Variants in AK8 observed in about 807,000 individuals in gnomAD.
AK8 encodes ATP-AMP transphosphorylase 8.
A neutral mutation model predicts 54.6 loss-of-function variants in AK8; 44 were observed. The observed-to-expected ratio is 0.81, with a 90% CI of 0.63 to 1.04. The LOEUF (loss-of-function observed/expected upper bound fraction) is 1.04. AK8 is among the 50% of genes least tolerant of loss of function. AK8 has a pLI of 0.00. For synonymous variants in AK8, 239 were observed against 245.6 expected (o/e 0.97, Z 0.25); for missense variants, 555 against 613.6 (o/e 0.90, Z 1.01).
chr9:132,801,345 T>C (rs1299130809), intron 10 of AK8, among the ~76,000 whole-genome samples: 2 of 152,240 alleles, frequency 1.3e-5, no homozygotes, highest in Admixed American at 1.3e-4. Context: ...CTATTGGAAA[T>C]GCTCGGCTAG....
rs534828376 is a variant in AK8, at chr9:132,860,537, C to A, written c.333+3128G>T. On this transcript the variant is annotated intron_variant, in intron 4 of 12. Transcript: ENST00000298545. The surrounding 1 kb of genome is among the most constrained non-coding windows in gnomAD (Gnocchi z 4.4). ...CTCCAGGCATGCCTGAAGGAGGCTG[C>A]TGCTGGGGAGCTGGAGGTGTCTCTC... Among the ~76,000 whole-genome samples the A allele has an allele frequency of 6.6e-6, 1 of 152,308 alleles. No individual in the cohort carries two copies. The highest frequency in any genetic ancestry group is 2.1e-4 in the South Asian group (1 of 4,828).
chr9:132,826,861 G>C lies in AK8; in HGVS notation c.750C>G (p.Phe250Leu). ...ISADQPCVDV[F>L]YQALTYVQSN... is the part of the protein sequence containing the mutation. ...CTGCCTGCTTGTGTTTACCCTGGTA[G>C]AAGACGTCCACACATGGCTGGTCAG... The change falls in exon 8 of 13, where the codon TTC becomes TTG. Residue 250 changes from phenylalanine (F) to leucine (L), a missense_variant. Phe to Leu is a conservative substitution (Grantham distance 22). Coordinates refer to ENST00000298545, the MANE Select transcript of AK8 (RefSeq NM_152572.3). This position sits in a 1 kb window ranked among gnomAD's most constrained non-coding sequence, Gnocchi z 4.5. The C allele has an allele frequency of 1.9e-6, 3 of 1,614,236 alleles. No individual in the cohort carries two copies. Among genetic ancestry groups the C allele is most frequent in the Non-Finnish European group, 2.5e-6 (3 of 1,180,036 alleles).
chr9:132,862,487 G>A lies in AK8; in HGVS notation c.333+1178C>T, dbSNP rs1177870098. Reference sequence around the variant, plus strand: ...GGAATATAGGCACCCACCACCATGCGCACCTAATTTTTTTGTATTTTGGTA... The same window carrying A: ...GGAATATAGGCACCCACCACCATGCACACCTAATTTTTTTGTATTTTGGTA... On this transcript the variant is annotated intron_variant, in intron 4 of 12. Transcript: ENST00000298545. Among the ~76,000 whole-genome samples, 6 of 151,892 alleles carry A rather than the reference G, an allele frequency of 4.0e-5. No homozygotes were observed. The East Asian group carries it at 7.8e-4, about 20-fold the overall frequency.
chr9:132,773,777 A>T (rs1839081704), intron 11 of AK8, among the ~76,000 whole-genome samples: 1 of 152,184 alleles, frequency 6.6e-6, no homozygotes, highest in South Asian at 2.1e-4. Context: ...TCACGAGAAA[A>T]ATATGTAAAG....
intron 11 of AK8, among the ~76,000 whole-genome samples, chr9:132,789,597 CAAAAAAA>C (rs578003731): frequency 2.3e-4 from 13 of 57,552 alleles, no homozygotes; most frequent in East Asian, 1.9e-3. Flanking sequence ...ACTCATCTCA[CAAAAAAA>C]AAAAAAAAAA....
chr9:132,805,006 G>C (rs571385664), intron 10 of AK8, among the ~76,000 whole-genome samples: 1 of 152,236 alleles, frequency 6.6e-6, no homozygotes, highest in African/African-American at 2.4e-5. Context: ...CTGCCGTTGG[G>C]GGGTCTGTGA....
At chr9:132,843,286 C>G (rs1423096643) in intron 5 of AK8, among the ~76,000 whole-genome samples, 1 of 152,056 alleles carries the variant, frequency 6.6e-6, no homozygotes, top group East Asian at 1.9e-4. Flanking sequence ...TGGCGCCTCC[C>G]CCTCCCACTG....
intron 11 of AK8, among the ~76,000 whole-genome samples, chr9:132,740,674 T>A (rs536918800): frequency 3.7e-4 from 56 of 152,236 alleles, no homozygotes; most frequent in Middle Eastern, 3.4e-3. Context: ...AACAGAGACC[T>A]GTGCACCTCT....
intron 7 of AK8, 104 bp downstream of exon 7, chr9:132,827,909 T>G: frequency 1.7e-6 from 2 of 1,164,198 alleles, no homozygotes; most frequent in Non-Finnish European, 2.4e-6. Flanking sequence ...TGTCCCTCTG[T>G]GGGTGCCCAG....
intron 11 of AK8, among the ~76,000 whole-genome samples, chr9:132,754,370 C>T (rs971525088): frequency 7.9e-5 from 12 of 152,116 alleles, no homozygotes; most frequent in African/African-American, 2.2e-4. Context: ...AGTGTGAGCC[C>T]GAGGTGATAT....
chr9:132,854,386 C>T (rs1421147217), intron 5 of AK8, among the ~76,000 whole-genome samples: 1 of 152,152 alleles, frequency 6.6e-6, no homozygotes, highest in African/African-American at 2.4e-5. Flanking sequence ...CCTGCCCTCT[C>T]CACCCTCCTT....
chr9:132,765,538 G>C (rs922802103), intron 11 of AK8, among the ~76,000 whole-genome samples: 3 of 151,984 alleles, frequency 2.0e-5, no homozygotes, highest in Admixed American at 2.0e-4. Flanking sequence ...CCAGCTACTC[G>C]GGAGGCTGAG....
At position 132,742,452 on chromosome 9, in the gene AK8, G is replaced by A. The variant is rs151068293; in HGVS notation, c.1122-14918C>T. 2.6e-4 allele frequency among the ~76,000 whole-genome samples: 39 copies of A among 152,316 alleles called. 1 individual carries two copies. The highest frequency in any genetic ancestry group is 7.9e-4 in the African/African-American group (33 of 41,578). On this transcript the variant is annotated intron_variant, in intron 11 of 12. Transcript: ENST00000298545. The stretch of plus-strand genomic sequence containing the variant: ...CTCCCAAAGTACTGGGATTACAGGC[G>A]TGAGCCACGGTGCTAGCCAACCAAT...
chr9:132,793,545 C>G (rs975566081), intron 10 of AK8, among the ~76,000 whole-genome samples: 1 of 152,198 alleles, frequency 6.6e-6, no homozygotes, highest in African/African-American at 2.4e-5. Context: ...CAAAATTCTC[C>G]AATTCTCCCA....
At chr9:132,877,947 C>A (rs1844208093) in intron 1 of AK8, 6 of 1,154,734 alleles carry the variant, frequency 5.2e-6, no homozygotes, top group South Asian at 1.3e-5. Context: ...TGGCCCCCTT[C>A]CTCCCCCTGG....
At chr9:132,839,394 C>G (rs117808534) in intron 5 of AK8, among the ~76,000 whole-genome samples, 15 of 152,340 alleles carry the variant, frequency 9.8e-5, no homozygotes, top group Non-Finnish European at 2.1e-4. Flanking sequence ...TCTTTTAACA[C>G]ACTGAAGCAG....
chr9:132,801,698 T>C (rs1222737878), intron 10 of AK8, among the ~76,000 whole-genome samples: 1 of 152,146 alleles, frequency 6.6e-6, no homozygotes. Flanking sequence ...GATATGATAG[T>C]ATATTGACTC....
At chr9:132,848,115 CAAAAAAA>C (rs796764891) in intron 5 of AK8, among the ~76,000 whole-genome samples, 10 of 52,554 alleles carry the variant, frequency 1.9e-4, no homozygotes, top group Admixed American at 1.4e-3. Context: ...CACCCTGTTT[CAAAAAAA>C]AAAAAAAAAA....
chr9:132,807,337 A>G (rs1452199140), intron 10 of AK8, among the ~76,000 whole-genome samples: 2 of 152,216 alleles, frequency 1.3e-5, no homozygotes, highest in African/African-American at 4.8e-5. Context: ...TGCTGGGGAC[A>G]TGGCATGGCT....
Sources: allele counts gnomAD v4.1 joint callset (sites outside exome capture counted in the v4.1 genomes callset), GRCh38; gene constraint gnomAD v4.1.1; non-coding constraint Gnocchi (gnomAD v3.1); transcripts MANE v1.5; gene names NCBI Gene and HGNC (gene_info 2026-07-23, HGNC 2026-07-21).